EIF4E1B: variants seen among roughly 807,000 people sequenced by gnomAD.
The protein encoded by EIF4E1B is eukaryotic translation initiation factor 4E type 1B.
EIF4E1B carries 22 observed loss-of-function variants against 31.3 expected under a neutral mutation model. The observed-to-expected ratio is 0.70, with a 90% confidence interval of 0.50 to 1.00. The LOEUF (loss-of-function observed/expected upper bound fraction) is 1.00, where lower values mean the gene tolerates loss of function less well. EIF4E1B is among the 50% of genes least tolerant of loss of function. The pLI, the probability that EIF4E1B is intolerant of heterozygous loss-of-function variation, is 0.00. For synonymous variants in EIF4E1B, 126 were observed against 120.2 expected (o/e 1.05, Z -0.31); for missense variants, 290 against 311.6 (o/e 0.93, Z 0.52).
Position 176,643,735 on chromosome 5 carries a change from G to C in EIF4E1B, c.296+1G>C. The C allele has an allele frequency of 6.2e-7, 1 of 1,611,100 alleles. No individual in the cohort carries two copies. On this transcript the variant is annotated splice_donor_variant, in intron 5 of 8. Transcript: ENST00000318682. LOFTEE classifies it high-confidence loss of function. ...TGGACACTGTGGAGGACTTCTGGGC[G>C]TGAGTGTCTGTCCCCAGTGGGGCTA...
At chr5:176,639,315 G>A (rs533455440) in intron 1 of EIF4E1B, among the ~76,000 whole-genome samples, 1 of 152,272 alleles carries the variant, frequency 6.6e-6, no homozygotes, top group African/African-American at 2.4e-5. Context: ...CAGGATGGTA[G>A]GGCTGGGATT....
In EIF4E1B at chr5:176,645,797, C is replaced by T. The variant is rs1409157242; in HGVS notation, c.615-69C>T. ...AGAATGAGGGTAGGAGTCTGGTGGC[C>T]TAAGTTATCTCTAGGACCCTCTGAT... On this transcript the variant is annotated intron_variant, in intron 8 of 8. Coordinates refer to ENST00000318682, the MANE Select transcript of EIF4E1B (RefSeq NM_001099408.2). This position sits in a 1 kb window ranked among gnomAD's most constrained non-coding sequence, Gnocchi z 5.4. 14 of 1,382,262 alleles carry T rather than the reference C, an allele frequency of 1.0e-5. No homozygotes were observed. The highest frequency in any genetic ancestry group is 1.2e-5 in the Non-Finnish European group (12 of 1,022,940). 85.6% of individuals were successfully genotyped at this position (1,382,262 alleles called of 1,614,324 possible). A position where few individuals can be genotyped will look rare whatever the true frequency, so the allele number is the denominator to read the frequency against.
At chr5:176,644,318 T>A (rs1393016123) in intron 5 of EIF4E1B, 58 bp from the exon 6 acceptor site, 11 of 1,533,006 alleles carry the variant, frequency 7.2e-6, no homozygotes, top group Admixed American at 4.0e-5. Flanking sequence ...CTGAACCCAG[T>A]TGGAACCAGG....
At position 176,643,337 on chromosome 5, in the gene EIF4E1B, T is replaced by C. The variant is rs1231008870; in HGVS notation, c.200+71T>C. On this transcript the variant is annotated intron_variant, in intron 4 of 8. Coordinates refer to ENST00000318682, the MANE Select transcript of EIF4E1B (RefSeq NM_001099408.2). ...CAGCCTCTGTGCTGGCAGCGTGGCC[T>C]TGGGCAACCCCGCCTCTCTTGGCCC... 4 of 1,493,578 alleles carry C rather than the reference T, an allele frequency of 2.7e-6. No individual in the cohort carries two copies. In the Admixed American group the frequency reaches 8.4e-5, roughly 31 times the overall value. 92.5% of individuals were successfully genotyped at this position (1,493,578 alleles called of 1,614,324 possible).
chr5:176,644,102 A>G (rs1760647387), intron 5 of EIF4E1B: 1 of 568,998 alleles, frequency 1.8e-6, no homozygotes, highest in Non-Finnish European at 3.1e-6. Context: ...AGCCCTAGGG[A>G]GGGTGAGAAG....
intron 1 of EIF4E1B, among the ~76,000 whole-genome samples, chr5:176,637,753 G>A (rs1429796442): frequency 6.6e-6 from 1 of 152,176 alleles, no homozygotes; most frequent in Non-Finnish European, 1.5e-5. Flanking sequence ...GGGCTGGAGG[G>A]AGGAGGGCCT....
Position 176,645,790 on chromosome 5 carries a change from T to C in EIF4E1B, c.615-76T>C. On this transcript the variant is annotated intron_variant, in intron 8 of 8. Coordinates refer to ENST00000318682, the MANE Select transcript of EIF4E1B (RefSeq NM_001099408.2). This position sits in a 1 kb window ranked among gnomAD's most constrained non-coding sequence, Gnocchi z 5.4. ...TGTGGCCAGAATGAGGGTAGGAGTC[T>C]GGTGGCCTAAGTTATCTCTAGGACC... 7.5e-7 allele frequency: 1 copy of C among 1,333,246 alleles called. No individual in the cohort carries two copies. The allele number at this position is 1,333,246 out of a possible 1,614,324, so 82.6% of individuals were successfully genotyped here. A position where few individuals can be genotyped will look rare whatever the true frequency, so the allele number is the denominator to read the frequency against.
intron 5 of EIF4E1B, chr5:176,644,089 A>G: frequency 1.8e-6 from 1 of 568,844 alleles, no homozygotes; most frequent in Non-Finnish European, 3.1e-6. Context: ...AAAGGGCTAC[A>G]CAAGCCCTAG....
At chr5:176,635,611 G>A (rs1405669492) in intron 1 of EIF4E1B, among the ~76,000 whole-genome samples, 5 of 152,208 alleles carry the variant, frequency 3.3e-5, no homozygotes, top group African/African-American at 1.2e-4. Flanking sequence ...AAGTCCAGTG[G>A]TGGGCAGTCC....
chr5:176,645,975 G>A lies in EIF4E1B; in HGVS notation c.724G>A (p.Val242Met), dbSNP rs1288916888. The A allele has an allele frequency of 1.2e-6, 2 of 1,601,666 alleles. No individual in the cohort carries two copies. Among genetic ancestry groups the A allele is most frequent in the East Asian group, 4.5e-5 (2 of 44,212 alleles). Reference sequence around the variant, plus strand: ...CTCCCTAGCCAAGAACAAGTTTGTGGTGTGAGGGGGGCCTTGGCACCCCTC... The same window carrying A: ...CTCCCTAGCCAAGAACAAGTTTGTGATGTGAGGGGGGCCTTGGCACCCCTC... Reference protein sequence around the residue: ...SNSLAKNKFVV With the variant: ...SNSLAKNKFVM The change falls in exon 9 of 9, where the codon GTG becomes ATG. Residue 242 changes from valine to methionine, a missense_variant. Transcript: ENST00000318682. The surrounding 1 kb of genome is among the most constrained non-coding windows in gnomAD (Gnocchi z 5.4).
chr5:176,634,517 G>A (rs978898025), intron 1 of EIF4E1B, among the ~76,000 whole-genome samples: 8 of 152,012 alleles, frequency 5.3e-5, no homozygotes, highest in African/African-American at 1.9e-4. Context: ...AACCTTAAGA[G>A]CACAGATAAT....
intron 6 of EIF4E1B, 134 bp from the exon 7 acceptor site, chr5:176,644,996 A>C (rs1760665403): frequency 2.7e-6 from 2 of 753,314 alleles, no homozygotes; most frequent in South Asian, 3.6e-5. Context: ...ACCTGCTTGC[A>C]CTGAGGGAAG....
rs201972753 is a variant in EIF4E1B, at chr5:176,643,121, G to A, written c.55G>A (p.Glu19Lys). Residue 19 changes from glutamate to lysine, a missense_variant, in exon 4 of 9, where the codon GAG (glutamate) becomes AAG (lysine). By Grantham distance (56) the Glu-to-Lys change is moderately conservative. Transcript: ENST00000318682. ...GGGTGGAATCCGAGAGTGGGAGGAG[G>A]AGGAGAAGGAGGAGGAGGCAGCAGA... The part of the protein sequence containing the change: ...AEGGIREWEE[E>K]EKEEEAAERT... The A allele has an allele frequency of 2.6e-4, 413 of 1,613,804 alleles. No homozygotes were observed. The highest frequency in any genetic ancestry group is 3.1e-4 in the Non-Finnish European group (364 of 1,179,790).
chr5:176,643,962 C>G (rs370040796), intron 5 of EIF4E1B: 3 of 587,116 alleles, frequency 5.1e-6, no homozygotes, highest in East Asian at 2.8e-5. Context: ...GACCTTGACT[C>G]GGCCACTCCA....
At position 176,645,594 on chromosome 5, in the gene EIF4E1B, A is replaced by AT; in HGVS notation, c.614+79dup. The AT allele has an allele frequency of 1.4e-6, 2 of 1,449,370 alleles. No individual in the cohort carries two copies. The highest frequency in any genetic ancestry group is 1.8e-6 in the Non-Finnish European group (2 of 1,099,774). The allele number at this position is 1,449,370 out of a possible 1,614,324, so 89.8% of individuals were successfully genotyped here. ...GGTGGGTGGAGGGGGCTTGGCCTGC[A>AT]TGGGAGACCTCTGAAAGTCTCCATA... On this transcript the variant is annotated intron_variant, in intron 8 of 8. Transcript: ENST00000318682. The surrounding 1 kb of genome is among the most constrained non-coding windows in gnomAD (Gnocchi z 5.4).
intron 1 of EIF4E1B, among the ~76,000 whole-genome samples, chr5:176,637,067 C>T (rs1313593564): frequency 6.6e-6 from 1 of 152,234 alleles, no homozygotes; most frequent in Admixed American, 6.5e-5. Context: ...GACCAATCCT[C>T]CCTGCTCCCT....
At chr5:176,641,855 AG>A (rs1760584681) in intron 1 of EIF4E1B, 187 bp from the exon 2 acceptor site, 2 of 152,492 alleles carry the variant, frequency 1.3e-5, no homozygotes, top group African/African-American at 4.8e-5. Flanking sequence ...AGGCCGATAA[AG>A]GGTGTCCAAA....
chr5:176,645,153 G>C lies in EIF4E1B; in HGVS notation c.384G>C (p.Glu128Asp), dbSNP rs761219911. Reference sequence around the variant, plus strand: ...AGGATGGCATCCAGCCCATGTGGGAGGACAGCAGGAATAAACGGGGTGGCC... The same window carrying C: ...AGGATGGCATCCAGCCCATGTGGGACGACAGCAGGAATAAACGGGGTGGCC... ...LFKDGIQPMW[E>D]DSRNKRGGRW... Residue 128 changes from glutamate (E) to aspartate (D), a missense_variant, in exon 7 of 9, where the codon GAG becomes GAC. By Grantham distance (45) the Glu-to-Asp change is conservative (BLOSUM62 2). Coordinates refer to ENST00000318682, the MANE Select transcript of EIF4E1B (RefSeq NM_001099408.2). The surrounding 1 kb of genome is among the most constrained non-coding windows in gnomAD (Gnocchi z 5.4). 6.4e-7 allele frequency: 1 copy of C among 1,570,264 alleles called. No individual in the cohort carries two copies. The highest frequency in any genetic ancestry group is 1.2e-5 in the South Asian group (1 of 85,468).
intron 5 of EIF4E1B, 60 bp downstream of exon 5, chr5:176,643,794 C>G: frequency 6.5e-7 from 1 of 1,542,134 alleles, no homozygotes; most frequent in Non-Finnish European, 8.8e-7. Context: ...GGCTCCCTCT[C>G]TCCGGGTTGA....
Sources: gnomAD v4.1 joint callset for allele counts (sites outside exome capture counted in the v4.1 genomes callset) on GRCh38, gnomAD v4.1.1 for gene constraint, Gnocchi (gnomAD v3.1) non-coding constraint, MANE v1.5 for transcripts, NCBI Gene and HGNC (gene_info 2026-07-23, HGNC 2026-07-21) for gene names.